GBE1: variants seen among roughly 807,000 people sequenced by gnomAD.
GBE1 encodes 1,4-alpha-glucan-branching enzyme.
Under a neutral mutation model 88.8 loss-of-function variants are expected in GBE1, and 70 were observed. The ratio of observed to expected loss-of-function variants is 0.79; its 90% CI spans 0.65 to 0.96. GBE1 has a LOEUF of 0.96. Among genes scored for constraint, GBE1 ranks in the 40% least tolerant of loss-of-function variants. The probability of loss-of-function intolerance (pLI) is 0.00; values close to 1 mark genes in which losing one functional copy is unlikely to be tolerated. For missense variants in GBE1, 872 were observed against 871.0 expected, an observed-to-expected ratio of 1.00 and a Z score of -0.01; for synonymous variants, 284 against 300.1, an observed-to-expected ratio of 0.95 and a Z score of 0.56.
At chr3:81,720,828 T>G (rs930370554) in intron 1 of GBE1, among the ~76,000 whole-genome samples, 2 of 149,684 alleles carry the variant, frequency 1.3e-5, no homozygotes, top group Non-Finnish European at 3.0e-5. Context: ...TAGACTGGAT[T>G]AAGAAAATGT....
intron 12 of GBE1, among the ~76,000 whole-genome samples, chr3:81,549,314 C>A (rs1559641707): frequency 6.6e-6 from 1 of 151,434 alleles, no homozygotes; most frequent in Non-Finnish European, 1.5e-5. Flanking sequence ...AGGAGTGAGC[C>A]ACCACCCCCG....
chr3:81,706,851 G>A (rs1705782275), intron 1 of GBE1, among the ~76,000 whole-genome samples: 1 of 150,668 alleles, frequency 6.6e-6, no homozygotes, highest in Admixed American at 6.6e-5. Context: ...AATAGATAAT[G>A]ATGAGTTAGA....
At chr3:81,566,901 G>A (rs1358814063) in intron 12 of GBE1, among the ~76,000 whole-genome samples, 2 of 151,934 alleles carry the variant, frequency 1.3e-5, no homozygotes, top group Non-Finnish European at 2.9e-5. Context: ...CTCTCACCAC[G>A]GAATCATCCC....
intron 14 of GBE1, among the ~76,000 whole-genome samples, chr3:81,527,092 C>A (rs1702953464): frequency 1.3e-5 from 2 of 152,014 alleles, no homozygotes; most frequent in African/African-American, 4.8e-5. Flanking sequence ...TGATCTTTGA[C>A]AAATCTGACA....
chr3:81,713,504 GT>G (rs1193119829), intron 1 of GBE1, among the ~76,000 whole-genome samples: 1 of 152,094 alleles, frequency 6.6e-6, no homozygotes, highest in Non-Finnish European at 1.5e-5. Context: ...TCAGAGACAT[GT>G]TTTACAGGGA....
intron 2 of GBE1, among the ~76,000 whole-genome samples, chr3:81,674,371 A>G (rs1364591025): frequency 6.6e-6 from 1 of 151,958 alleles, no homozygotes; most frequent in Non-Finnish European, 1.5e-5. Flanking sequence ...CAGGAAAATC[A>G]TTGGATTTGG....
At chr3:81,615,119 C>T (rs984854778) in intron 7 of GBE1, among the ~76,000 whole-genome samples, 9 of 152,076 alleles carry the variant, frequency 5.9e-5, no homozygotes, top group Non-Finnish European at 1.0e-4. Flanking sequence ...AAGACTACTG[C>T]CAAATGCCGT....
chr3:81,493,724 C>T (rs1210517327), intron 15 of GBE1, among the ~76,000 whole-genome samples: 2 of 151,836 alleles, frequency 1.3e-5, no homozygotes, highest in South Asian at 2.1e-4. Flanking sequence ...TTAGTAGACA[C>T]GGGGTTTCTC....
chr3:81,698,863 A>G (rs1403734701), intron 2 of GBE1, among the ~76,000 whole-genome samples: 1 of 152,244 alleles, frequency 6.6e-6, no homozygotes, highest in Non-Finnish European at 1.5e-5. Context: ...CCTCCATTGT[A>G]CATATACTCC....
chr3:81,495,750 T>C (rs931309107), intron 15 of GBE1, among the ~76,000 whole-genome samples: 6 of 152,210 alleles, frequency 3.9e-5, no homozygotes, highest in African/African-American at 1.4e-4. Context: ...GAGCAGAAGA[T>C]ATTTTCCAAT....
chr3:81,748,705 A>T (rs1301014046), intron 1 of GBE1, among the ~76,000 whole-genome samples: 1 of 152,024 alleles, frequency 6.6e-6, no homozygotes, highest in African/African-American at 2.4e-5. Flanking sequence ...AAACTTGTAC[A>T]GATACTGTAG....
At chr3:81,753,804 G>A (rs566388869) in intron 1 of GBE1, among the ~76,000 whole-genome samples, 2 of 152,288 alleles carry the variant, frequency 1.3e-5, no homozygotes, top group African/African-American at 4.8e-5. Flanking sequence ...TGTACATCTT[G>A]TCATCTTCAG....
At chr3:81,605,511 T>C (rs1704091529) in intron 7 of GBE1, among the ~76,000 whole-genome samples, 1 of 152,150 alleles carries the variant, frequency 6.6e-6, no homozygotes, top group South Asian at 2.1e-4. Flanking sequence ...TTTATGACAG[T>C]CAATTTGACC....
chr3:81,636,737 T>C (rs1704597002), intron 7 of GBE1, among the ~76,000 whole-genome samples: 1 of 151,986 alleles, frequency 6.6e-6, no homozygotes. Context: ...TCTATATTGG[T>C]CAGGCTGGTT....
chr3:81,612,220 T>TAAAAAAAAAAAA, intron 7 of GBE1: 1 of 240,398 alleles, frequency 4.2e-6, no homozygotes, highest in Non-Finnish European at 7.2e-6. Flanking sequence ...CACGCTCCTT[T>TAAAAAAAAAAAA]AAAAAAAAAA....
intron 8 of GBE1, among the ~76,000 whole-genome samples, chr3:81,591,514 T>C (rs1452323408): frequency 6.6e-6 from 1 of 152,158 alleles, no homozygotes; most frequent in Non-Finnish European, 1.5e-5. Context: ...CATTAAGATG[T>C]TAATGTTAGT....
In GBE1 at chr3:81,705,613, C is replaced by T; in HGVS notation, c.144G>A (p.Arg48=). Residue 48 remains arginine, a splice_region_variant and synonymous_variant, in exon 2 of 16, where the codon AGG becomes AGA. Transcript: ENST00000429644. ...LKPYAVDFQR[R]YKQFSQILKN... ...TCAAAATTTGGCTAAACTGCTTATA[C>T]CTTTGAAGAAGTATGAAAGAAAATG... 1.3e-6 allele frequency: 2 copies of T among 1,525,906 alleles called. No homozygotes were observed. The highest frequency in any genetic ancestry group is 1.3e-5 in the South Asian group (1 of 77,384). The allele number at this position is 1,525,906 out of a possible 1,614,324, so 94.5% of individuals were successfully genotyped here.
chr3:81,513,568 C>A (rs570171307), intron 14 of GBE1, among the ~76,000 whole-genome samples: 327 of 135,520 alleles, frequency 2.4e-3, no homozygotes, highest in African/African-American at 7.9e-3. Context: ...TTTGTTCCCC[C>A]AAAAAAAAAA....
At chr3:81,643,344 G>C (rs1704718813) in intron 6 of GBE1, among the ~76,000 whole-genome samples, 1 of 152,088 alleles carries the variant, frequency 6.6e-6, no homozygotes, top group Non-Finnish European at 1.5e-5. Flanking sequence ...ATTACTTACA[G>C]GGTGTACATT....
Sources: allele counts gnomAD v4.1 joint callset (sites outside exome capture counted in the v4.1 genomes callset), GRCh38; gene constraint gnomAD v4.1.1; transcripts MANE v1.5; gene names NCBI Gene and HGNC (gene_info 2026-07-23, HGNC 2026-07-21).